PAICS: variants seen among roughly 807,000 people sequenced by gnomAD.
PAICS encodes the protein phosphoribosylaminoimidazole carboxylase and phosphoribosylaminoimidazolesuccinocarboxamide synthase.
PAICS carries 33 observed loss-of-function variants against 53.7 expected under a neutral mutation model. The observed-to-expected ratio is 0.61, with a 90% CI of 0.47 to 0.82. The LOEUF is 0.82. PAICS is among the 40% of genes least tolerant of loss of function. The pLI is 0.00. For missense variants in PAICS, 394 were observed against 494.1 expected, an observed-to-expected ratio of 0.80 and a Z score of 1.92; for synonymous variants, 141 against 167.2, an observed-to-expected ratio of 0.84 and a Z score of 1.21.
the PAICS span, among the ~76,000 whole-genome samples, chr4:56,412,960 T>C: frequency 6.6e-6 from 1 of 152,196 alleles, no homozygotes; most frequent in African/African-American, 2.4e-5. Flanking sequence ...AATCATGGTC[T>C]AAAATTAAAT....
At chr4:56,433,409 A>G, upstream of PAICS, among the ~76,000 whole-genome samples, 1 of 149,736 alleles carries the variant, frequency 6.7e-6, no homozygotes, top group South Asian at 2.1e-4. Flanking sequence ...AAAAAAAAAA[A>G]AAAGAAAAAA....
intron 7 of PAICS, among the ~76,000 whole-genome samples, chr4:56,453,323 T>C (rs1052303801): frequency 3.3e-5 from 5 of 152,260 alleles, no homozygotes; most frequent in Admixed American, 6.5e-5. Flanking sequence ...CTATGAGCTA[T>C]TCCCTCACTG....
chr4:56,423,910 C>T, the PAICS span, among the ~76,000 whole-genome samples: 2 of 152,076 alleles, frequency 1.3e-5, no homozygotes, highest in South Asian at 2.1e-4. Context: ...ATTGCCACTC[C>T]GCTCTTAGGA....
At chr4:56,452,169 C>A in intron 7 of PAICS, 117 bp downstream of exon 7, 1 of 677,302 alleles carries the variant, frequency 1.5e-6, no homozygotes, top group Non-Finnish European at 2.5e-6. Flanking sequence ...GGGAAAAACA[C>A]ATGATATACT....
chr4:56,451,646 T>C (rs1038854652), intron 6 of PAICS, among the ~76,000 whole-genome samples: 6 of 152,174 alleles, frequency 3.9e-5, no homozygotes, highest in African/African-American at 1.2e-4. Flanking sequence ...TTTTAAATAA[T>C]TTGTCTGATA....
chr4:56,435,809 T>A (rs944564561), upstream of PAICS: 62 of 1,513,810 alleles, frequency 4.1e-5, no homozygotes, highest in East Asian at 1.7e-3. Flanking sequence ...AAATCTCCGT[T>A]ATTTTCCAGC....
At chr4:56,435,298 G>C, upstream of PAICS, 1 of 1,607,480 alleles carries the variant, frequency 6.2e-7, no homozygotes, top group Non-Finnish European at 8.5e-7. Flanking sequence ...TGCGGGAAGC[G>C]GCTCCGAGAG....
chr4:56,450,723 C>T (rs1446478456), intron 6 of PAICS, 21 bp downstream of exon 6: 3 of 1,118,606 alleles, frequency 2.7e-6, no homozygotes, highest in Non-Finnish European at 4.0e-6. Flanking sequence ...TATAGTAAAA[C>T]TGTATGTATT....
At chr4:56,430,962 T>C (rs1323839424), upstream of PAICS, among the ~76,000 whole-genome samples, 1 of 151,914 alleles carries the variant, frequency 6.6e-6, no homozygotes, top group Non-Finnish European at 1.5e-5. Flanking sequence ...GGCAGGTAAA[T>C]TCTGCTTCAG....
intron 7 of PAICS, 81 bp downstream of exon 7, chr4:56,452,133 A>G: frequency 1.1e-6 from 1 of 888,360 alleles, no homozygotes; most frequent in Non-Finnish European, 1.7e-6. Flanking sequence ...AATAATGCTG[A>G]AAAAAGAGCT....
At chr4:56,451,322 T>C (rs1718907092) in intron 6 of PAICS, 1 of 152,652 alleles carries the variant, frequency 6.6e-6, no homozygotes, top group Non-Finnish European at 1.5e-5. Flanking sequence ...AGAGTTCCAT[T>C]AGCATGGGAT....
the PAICS span, among the ~76,000 whole-genome samples, chr4:56,425,155 AG>A: frequency 2.0e-5 from 3 of 152,226 alleles, no homozygotes; most frequent in Non-Finnish European, 4.4e-5. Context: ...ACCATCTCAA[AG>A]GGTACGCTAA....
chr4:56,451,956 A>G lies in PAICS; in HGVS notation c.856A>G (p.Lys286Glu), dbSNP rs1718938383. Reference sequence around the variant, plus strand: ...TCTTGGTCACTGTGAAAAAATCAAGAAGGCCTGTGGAAATTTTGGCATTCC... The same window carrying G: ...TCTTGGTCACTGTGAAAAAATCAAGGAGGCCTGTGGAAATTTTGGCATTCC... ...SDLGHCEKIK[K>E]ACGNFGIPCE... Residue 286 changes from lysine to glutamate, a missense_variant, in exon 7 of 9, where the codon AAG becomes GAG. This residue lies in a region of PAICS where 131 missense variants were observed against 205.5 expected (regional missense o/e 0.64). Coordinates refer to ENST00000512576, the MANE Select transcript of PAICS (RefSeq NM_001079524.2). 1 of 1,606,454 alleles carries G rather than the reference A, an allele frequency of 6.2e-7. No homozygotes were observed. The highest frequency in any genetic ancestry group is 8.5e-7 in the Non-Finnish European group (1 of 1,175,742).
chr4:56,454,131 T>G (rs962446620), intron 8 of PAICS, among the ~76,000 whole-genome samples: 1 of 152,172 alleles, frequency 6.6e-6, no homozygotes, highest in Non-Finnish European at 1.5e-5. Context: ...TGAGTCCAGC[T>G]CAAATCTGTG....
chr4:56,434,067 C>T (rs1045305083), upstream of PAICS, among the ~76,000 whole-genome samples: 2 of 152,076 alleles, frequency 1.3e-5, no homozygotes, highest in Non-Finnish European at 1.5e-5. Context: ...CCTTGGATTA[C>T]GTAACTAATT....
chr4:56,452,128 TGCTG>T, intron 7 of PAICS, 76 bp downstream of exon 7: 1 of 935,490 alleles, frequency 1.1e-6, no homozygotes, highest in Non-Finnish European at 1.6e-6. Flanking sequence ...AGACTAATAA[TGCTG>T]AAAAAAGAGC....
At chr4:56,419,667 G>C in the PAICS span, 1 of 983,856 alleles carries the variant, frequency 1.0e-6, no homozygotes, top group Non-Finnish European at 1.2e-6. Flanking sequence ...TATCCCAACT[G>C]TAGCAAATGA....
At chr4:56,448,007 CTTTT>C (rs35788109) in intron 3 of PAICS, among the ~76,000 whole-genome samples, 2 of 122,014 alleles carry the variant, frequency 1.6e-5, no homozygotes, top group Non-Finnish European at 1.7e-5. Flanking sequence ...AATTTCTTTT[CTTTT>C]TTTTTTTTTT....
Position 56,448,485 on chromosome 4 carries a change from G to T in PAICS, c.461G>T (p.Gly154Val). The change falls in exon 4 of 9, where the codon GGA becomes GTA. Residue 154 changes from glycine (G) to valine (V), a missense_variant. Physicochemically the swap from Gly to Val is moderately radical, Grantham distance 109. Coordinates refer to ENST00000512576, the MANE Select transcript of PAICS (RefSeq NM_001079524.2). ...ATTGCTGCAAAATTTTGCTTTGCTG[G>T]ACTTCTTATAGGCCAGACTGAAGTG... ...QLIAAKFCFAGLLIGQTEVDI... is the reference protein window; with the variant it reads ...QLIAAKFCFAVLLIGQTEVDI... 1.9e-6 allele frequency: 3 copies of T among 1,612,730 alleles called. No homozygotes were observed. Among genetic ancestry groups the T allele is most frequent in the Non-Finnish European group, 2.5e-6 (3 of 1,179,036 alleles).
Sources: gnomAD v4.1 joint callset for allele counts (sites outside exome capture counted in the v4.1 genomes callset) on GRCh38, gnomAD v4.1.1 for gene constraint, gnomAD v4.1.1 regional missense constraint, MANE v1.5 for transcripts, NCBI Gene and HGNC (gene_info 2026-07-23, HGNC 2026-07-21) for gene names.